The following TAFA2 variants were observed in gnomAD, a reference collection of about 807,000 sequenced individuals.
TAFA2 encodes the protein chemokine-like protein TAFA-2.
Under a neutral mutation model 18.8 loss-of-function variants are expected in TAFA2, and 7 were observed. The observed-to-expected ratio is 0.37, with a 90% CI of 0.21 to 0.70. TAFA2 has a LOEUF of 0.70. Among genes scored for constraint, TAFA2 ranks in the 30% least tolerant of loss-of-function variants. TAFA2 has a pLI of 0.53. For missense variants in TAFA2, 122 were observed against 158.1 expected (o/e 0.77, Z 1.23); for synonymous variants, 60 against 54.2 (o/e 1.11, Z -0.47).
At chr12:61,815,855 G>A (rs1565643751) in intron 2 of TAFA2, among the ~76,000 whole-genome samples, 1 of 151,082 alleles carries the variant, frequency 6.6e-6, no homozygotes, top group Non-Finnish European at 1.5e-5. Flanking sequence ...TAAAAGCTGG[G>A]CATACAACAG....
At chr12:61,809,239 G>A (rs1273067913) in intron 2 of TAFA2, among the ~76,000 whole-genome samples, 2 of 151,348 alleles carry the variant, frequency 1.3e-5, no homozygotes, top group Admixed American at 6.6e-5. Context: ...CTAACCTCAG[G>A]CAAAATTATT....
At chr12:62,081,664 T>C (rs992256217) in intron 1 of TAFA2, among the ~76,000 whole-genome samples, 18 of 152,078 alleles carry the variant, frequency 1.2e-4, no homozygotes, top group Non-Finnish European at 2.6e-4. Context: ...TTTGTATTTT[T>C]AGTAGAGACG....
chr12:61,762,451 C>A (rs1869595372), intron 2 of TAFA2, among the ~76,000 whole-genome samples: 1 of 151,844 alleles, frequency 6.6e-6, no homozygotes, highest in Admixed American at 6.6e-5. Flanking sequence ...TTTATGAAGA[C>A]CAAATGAGAT....
chr12:62,056,933 A>G lies in TAFA2; in HGVS notation c.-2+134326T>C, dbSNP rs187457675. Among the ~76,000 whole-genome samples the G allele has an allele frequency of 7.9e-5, 12 of 152,294 alleles. 1 individual carries two copies. Among genetic ancestry groups the G allele is most frequent in the South Asian group, 4.1e-4 (2 of 4,832 alleles). On this transcript the variant is annotated intron_variant, in intron 1 of 4. Transcript: ENST00000416284. ...CATTTTGTTTAAAGTTTTTCTATCT[A>G]TGCTCTTGAGAGAGAAAGGCCTGTA...
At chr12:62,250,776 C>T (rs1217903253) in intron 1 of TAFA2, among the ~76,000 whole-genome samples, 1 of 152,166 alleles carries the variant, frequency 6.6e-6, no homozygotes, top group African/African-American at 2.4e-5. Context: ...CTTCCCCTCT[C>T]CTACAGAAGG....
chr12:62,013,032 C>G (rs1880821413), intron 1 of TAFA2, among the ~76,000 whole-genome samples: 3 of 151,998 alleles, frequency 2.0e-5, no homozygotes, highest in Admixed American at 1.3e-4. Flanking sequence ...GTTTAAAGCA[C>G]AAAGATTACA....
At chr12:62,008,042 T>C (rs554236765) in intron 1 of TAFA2, among the ~76,000 whole-genome samples, 10 of 152,288 alleles carry the variant, frequency 6.6e-5, no homozygotes, top group Non-Finnish European at 1.2e-4. Context: ...GATCAGCCTT[T>C]TAAAATTCCA....
intron 1 of TAFA2, among the ~76,000 whole-genome samples, chr12:61,944,955 T>G (rs1384417570): frequency 6.7e-6 from 1 of 148,446 alleles, no homozygotes; most frequent in Non-Finnish European, 1.5e-5. Context: ...ACTCATTTTA[T>G]GAGGCCAGCA....
intron 1 of TAFA2, among the ~76,000 whole-genome samples, chr12:62,175,311 C>T (rs1237987958): frequency 6.6e-6 from 1 of 152,146 alleles, no homozygotes; most frequent in Non-Finnish European, 1.5e-5. Context: ...TATTTCTGTG[C>T]TCTTCAATAA....
rs546183579 is a variant in TAFA2, at chr12:61,918,384, C to T, written c.-1-50958G>A. On this transcript the variant is annotated intron_variant, in intron 1 of 4. Transcript: ENST00000416284. ...GTTCAATTGTTTTAATTTTTAGATACCACAAATAAGTGAGAAAATGTGAAG... is the reference window on the plus strand; with the variant it reads ...GTTCAATTGTTTTAATTTTTAGATATCACAAATAAGTGAGAAAATGTGAAG... Among the ~76,000 whole-genome samples the T allele has an allele frequency of 4.6e-5, 7 of 152,092 alleles. No individual in the cohort carries two copies. In the South Asian group the frequency reaches 1.0e-3, roughly 23 times the overall value.
intron 1 of TAFA2, among the ~76,000 whole-genome samples, chr12:62,015,483 G>A (rs564061312): frequency 6.6e-6 from 1 of 152,252 alleles, no homozygotes; most frequent in South Asian, 2.1e-4. Context: ...TCAGTAAATG[G>A]TTTTTAAGTG....
intron 1 of TAFA2, chr12:61,878,263 G>C: frequency 6.7e-6 from 2 of 299,880 alleles, no homozygotes; most frequent in South Asian, 5.6e-5. Flanking sequence ...TGTACTTAAT[G>C]CTGCTGAATT....
intron 2 of TAFA2, among the ~76,000 whole-genome samples, chr12:61,770,605 T>A (rs1377105048): frequency 1.2e-4 from 19 of 152,040 alleles, no homozygotes; most frequent in Admixed American, 1.2e-3. Flanking sequence ...ACAACAAAAC[T>A]AATCAGCCAA....
chr12:62,205,189 CT>C (rs2062686748), intron 1 of TAFA2, among the ~76,000 whole-genome samples: 1 of 152,194 alleles, frequency 6.6e-6, no homozygotes, highest in South Asian at 2.1e-4. Flanking sequence ...GCAAAGATGG[CT>C]GCCTGCTCCT....
At chr12:62,159,413 T>C (rs2062391752) in intron 1 of TAFA2, among the ~76,000 whole-genome samples, 1 of 152,182 alleles carries the variant, frequency 6.6e-6, no homozygotes, top group South Asian at 2.1e-4. Context: ...AATTCTTAAG[T>C]ATCTTGTAAG....
intron 1 of TAFA2, among the ~76,000 whole-genome samples, chr12:62,163,119 G>T (rs1214228816): frequency 6.6e-6 from 1 of 152,000 alleles, no homozygotes; most frequent in African/African-American, 2.4e-5. Context: ...AATAGACAGA[G>T]AACCAAATGC....
intron 2 of TAFA2, among the ~76,000 whole-genome samples, chr12:61,756,087 T>C (rs923820803): frequency 5.9e-5 from 9 of 152,082 alleles, no homozygotes; most frequent in African/African-American, 2.2e-4. Flanking sequence ...ACATTTATAT[T>C]AATCTTCCCA....
At chr12:61,740,892 C>A (rs1868414718) in intron 4 of TAFA2, among the ~76,000 whole-genome samples, 1 of 150,644 alleles carries the variant, frequency 6.6e-6, no homozygotes, top group South Asian at 2.1e-4. Context: ...ACCATGAGAG[C>A]AAAGCATATA....
At chr12:61,831,197 A>G (rs1565649138) in intron 2 of TAFA2, among the ~76,000 whole-genome samples, 1 of 152,058 alleles carries the variant, frequency 6.6e-6, no homozygotes, top group Non-Finnish European at 1.5e-5. Flanking sequence ...AATGCTTGGT[A>G]TGTAAAGATT....
Sources: gnomAD v4.1 joint callset for allele counts (sites outside exome capture counted in the v4.1 genomes callset) on GRCh38, gnomAD v4.1.1 for gene constraint, MANE v1.5 for transcripts, NCBI Gene and HGNC (gene_info 2026-07-23, HGNC 2026-07-21) for gene names.